Variants in EFHD1 observed in about 807,000 individuals in gnomAD.
The protein encoded by EFHD1 is EF-hand domain family member D1.
A neutral mutation model predicts 17.2 loss-of-function variants in EFHD1; 10 were observed. The observed-to-expected ratio is 0.58, with a 90% CI of 0.36 to 0.99. The LOEUF is 0.99. Among genes scored for constraint, EFHD1 ranks in the 50% least tolerant of loss-of-function variants. The pLI, the probability that EFHD1 is intolerant of heterozygous loss-of-function variation, is 0.01. For synonymous variants in EFHD1, 153 were observed against 142.0 expected, an observed-to-expected ratio of 1.08 and a Z score of -0.55; for missense variants, 310 against 327.5, an observed-to-expected ratio of 0.95 and a Z score of 0.41.
At chr2:232,645,587 T>C (rs1418914504) in intron 1 of EFHD1, among the ~76,000 whole-genome samples, 4 of 152,312 alleles carry the variant, frequency 2.6e-5, no homozygotes, top group African/African-American at 9.6e-5. Flanking sequence ...GCTTTGGTGG[T>C]GACAAGGTCT....
intron 2 of EFHD1, among the ~76,000 whole-genome samples, chr2:232,665,812 G>A (rs13388049): frequency 2.4e-3 from 359 of 152,336 alleles, no homozygotes; most frequent in African/African-American, 8.1e-3. Context: ...TAGGAGCTGG[G>A]AGTAGAGGAC....
At chr2:232,620,893 G>A (rs544925562) in intron 1 of EFHD1, among the ~76,000 whole-genome samples, 1 of 152,206 alleles carries the variant, frequency 6.6e-6, no homozygotes, top group African/African-American at 2.4e-5. Flanking sequence ...TGGGTTCCAC[G>A]TTCTGGGGAG....
rs372435958 is a variant in EFHD1, at chr2:232,666,772, C to T, written c.450+3823C>T. On this transcript the variant is annotated intron_variant, in intron 2 of 3. Coordinates refer to ENST00000264059, the MANE Select transcript of EFHD1 (RefSeq NM_025202.4). ...TAGTAGCTGCACCAGGCATGCAGGC[C>T]TTGGGAGTATAAGGACATGCTGCCA... 5.9e-5 allele frequency among the ~76,000 whole-genome samples: 9 copies of T among 152,326 alleles called. No homozygotes were observed. The South Asian group carries it at 1.9e-3, about 32-fold the overall frequency.
intron 1 of EFHD1, among the ~76,000 whole-genome samples, chr2:232,636,069 C>T (rs982018225): frequency 1.3e-5 from 2 of 152,206 alleles, no homozygotes; most frequent in Non-Finnish European, 2.9e-5. Context: ...GTTAAGCCAC[C>T]TTCCTCTCTG....
intron 3 of EFHD1, among the ~76,000 whole-genome samples, chr2:232,681,369 A>G (rs1304140471): frequency 6.6e-6 from 1 of 152,220 alleles, no homozygotes; most frequent in Non-Finnish European, 1.5e-5. Context: ...GGGCACAGCA[A>G]CAAATACAGT....
At chr2:232,653,099 T>G (rs999136448) in intron 1 of EFHD1, among the ~76,000 whole-genome samples, 1 of 152,108 alleles carries the variant, frequency 6.6e-6, no homozygotes, top group Non-Finnish European at 1.5e-5. Flanking sequence ...GTTCAAGAGT[T>G]TCTTCTGCCT....
chr2:232,654,416 CTTTTTTTTTT>C (rs539954632), intron 1 of EFHD1, among the ~76,000 whole-genome samples: 2 of 94,616 alleles, frequency 2.1e-5, no homozygotes, highest in Non-Finnish European at 4.1e-5. Context: ...TTCTTTCTTT[CTTTTTTTTTT>C]TTTTTTTTTT....
At chr2:232,674,066 G>A (rs1472449165) in intron 3 of EFHD1, among the ~76,000 whole-genome samples, 4 of 151,966 alleles carry the variant, frequency 2.6e-5, no homozygotes, top group Non-Finnish European at 5.9e-5. Context: ...CCACCACCAC[G>A]CCCAGCTAAT....
chr2:232,612,206 C>T (rs1457805545), intron 1 of EFHD1, among the ~76,000 whole-genome samples: 3 of 152,116 alleles, frequency 2.0e-5, no homozygotes, highest in African/African-American at 7.2e-5. Flanking sequence ...TGAGCAATAC[C>T]CAATCAGCTA....
At chr2:232,614,049 CACAT>C (rs1284407632) in intron 1 of EFHD1, among the ~76,000 whole-genome samples, 2 of 101,894 alleles carry the variant, frequency 2.0e-5, no homozygotes, top group African/African-American at 3.2e-5. Context: ...CACAAACACA[CACAT>C]ACATACACAT....
intron 1 of EFHD1, chr2:232,611,853 C>G (rs1241140183): frequency 6.6e-6 from 1 of 152,188 alleles, no homozygotes; most frequent in Non-Finnish European, 1.5e-5. Context: ...ATGTTGCCCC[C>G]GACTTGTGCA....
intron 3 of EFHD1, among the ~76,000 whole-genome samples, chr2:232,676,939 G>A (rs1437363935): frequency 6.6e-6 from 1 of 152,046 alleles, no homozygotes; most frequent in African/African-American, 2.4e-5. Context: ...GTTCAAGGTT[G>A]CAGTGAGCTA....
At chr2:232,673,295 T>C (rs1485951533) in intron 3 of EFHD1, among the ~76,000 whole-genome samples, 1 of 152,172 alleles carries the variant, frequency 6.6e-6, no homozygotes, top group Admixed American at 6.5e-5. Flanking sequence ...GCAGATGTCT[T>C]ATGATGCTTT....
intron 3 of EFHD1, among the ~76,000 whole-genome samples, chr2:232,678,027 A>T (rs1424975378): frequency 1.3e-5 from 2 of 152,138 alleles, no homozygotes; most frequent in African/African-American, 4.8e-5. Context: ...TTATGCCTAT[A>T]ATCCCAGAAC....
At chr2:232,657,561 G>A (rs1250552276) in intron 1 of EFHD1, among the ~76,000 whole-genome samples, 1 of 152,086 alleles carries the variant, frequency 6.6e-6, no homozygotes. Context: ...TGTAATCCCT[G>A]CATTTTGGGA....
chr2:232,633,949 C>G lies in EFHD1; in HGVS notation c.245C>G (p.Thr82Arg), dbSNP rs370357320. 1 of 1,597,654 alleles carries G rather than the reference C, an allele frequency of 6.3e-7. No homozygotes were observed. Among genetic ancestry groups the G allele is most frequent in the Non-Finnish European group, 8.5e-7 (1 of 1,179,274 alleles). The stretch of plus-strand genomic sequence containing the variant: ...CGCTGCAGGGTCTTCAACCCCTACA[C>G]GGAGTTCCCGGAGTTCAGCCGCCGC... ...PRRCRVFNPY[T>R]EFPEFSRRLI... The change falls in exon 1 of 4, where the codon ACG (threonine) becomes AGG (arginine). Residue 82 changes from threonine to arginine, a missense_variant. Thr to Arg is a moderately conservative substitution (Grantham distance 71). Coordinates refer to ENST00000264059, the MANE Select transcript of EFHD1 (RefSeq NM_025202.4).
At chr2:232,609,049 A>G (rs970069222) in intron 1 of EFHD1, among the ~76,000 whole-genome samples, 3 of 146,430 alleles carry the variant, frequency 2.0e-5, no homozygotes, top group Non-Finnish European at 3.0e-5. Context: ...TGAGATGCAT[A>G]AGTTCTTTTT....
chr2:232,646,436 CTTTTTTTTTTTTT>C (rs71398729), intron 1 of EFHD1, among the ~76,000 whole-genome samples: 1 of 67,174 alleles, frequency 1.5e-5, no homozygotes, highest in African/African-American at 6.3e-5. Flanking sequence ...CTCTTCTCTT[CTTTTTTTTTTTTT>C]TTTTTTTTTT....
chr2:232,615,975 C>T (rs952048858), intron 1 of EFHD1, among the ~76,000 whole-genome samples: 1 of 152,150 alleles, frequency 6.6e-6, no homozygotes, highest in Admixed American at 6.5e-5. Flanking sequence ...GCGTGAGCCA[C>T]GGAGCCCAGC....
Sources: gnomAD v4.1 joint callset for allele counts (sites outside exome capture counted in the v4.1 genomes callset) on GRCh38, gnomAD v4.1.1 for gene constraint, MANE v1.5 for transcripts, NCBI Gene and HGNC (gene_info 2026-07-23, HGNC 2026-07-21) for gene names.